The following ATM variants were observed in gnomAD, a reference collection of about 807,000 sequenced individuals.
The protein encoded by ATM is serine-protein kinase ATM.
In ATM, 308 loss-of-function variants were observed where a neutral mutation model predicts 387.0. The ratio of observed to expected loss-of-function variants is 0.80; its 90% confidence interval spans 0.73 to 0.87. The LOEUF is 0.87. Among genes scored for constraint, ATM ranks in the 40% least tolerant of loss-of-function variants. ATM has a pLI of 0.00. For synonymous variants in ATM, 1,156 were observed against 1,187.3 expected, an observed-to-expected ratio of 0.97 and a Z score of 0.54; for missense variants, 3,312 against 3,560.9, an observed-to-expected ratio of 0.93 and a Z score of 1.78.
At chr11:108,296,274 G>A (rs188420738) in intron 32 of ATM, among the ~76,000 whole-genome samples, 2 of 147,722 alleles carry the variant, frequency 1.4e-5, no homozygotes, top group Non-Finnish European at 3.0e-5. Context: ...TTTTTGAAAC[G>A]AAGTCTCACT....
At chr11:108,309,204 C>A in intron 38 of ATM, 1 of 534,458 alleles carries the variant, frequency 1.9e-6, no homozygotes, top group Non-Finnish European at 3.3e-6. Flanking sequence ...AATAAAACAA[C>A]AACAACAAAA....
intron 7 of ATM, among the ~76,000 whole-genome samples, chr11:108,245,910 C>T (rs1239714587): frequency 3.3e-5 from 5 of 151,194 alleles, no homozygotes; most frequent in East Asian, 2.0e-4. Context: ...CTGCAACCTC[C>T]GCCTCCTGGG....
chr11:108,285,180 T>G (rs1160098571), intron 26 of ATM, among the ~76,000 whole-genome samples: 2 of 151,980 alleles, frequency 1.3e-5, no homozygotes, highest in Non-Finnish European at 1.5e-5. Flanking sequence ...GGCTGGTCTT[T>G]AACTCTTGAC....
chr11:108,299,811 G>A lies in ATM; in HGVS notation c.5103G>A (p.Lys1701=), dbSNP rs1483752617. The A allele has an allele frequency of 6.2e-7, 1 of 1,613,826 alleles. No homozygotes were observed. The highest frequency in any genetic ancestry group is 1.3e-5 in the African/African-American group (1 of 74,882). Reference sequence around the variant, plus strand: ...ATGCATCTTATACCAAGGCCCTTAAGTTATTTGAAGATAAAGAACTTCAGT... The same window carrying A: ...ATGCATCTTATACCAAGGCCCTTAAATTATTTGAAGATAAAGAACTTCAGT... ...SKDASYTKAL[K]LFEDKELQWT... is the part of the protein sequence containing the mutation. Residue 1701 remains lysine (K), a synonymous_variant, in exon 34 of 63, where the codon AAG becomes AAA. Transcript: ENST00000675843.
At chr11:108,257,271 A>C (rs536715439) in intron 14 of ATM, among the ~76,000 whole-genome samples, 1 of 152,356 alleles carries the variant, frequency 6.6e-6, no homozygotes, top group South Asian at 2.1e-4. Context: ...TTGCAAGAAC[A>C]GAGTATAAGA....
rs1057520672 is a variant in ATM, at chr11:108,347,335, C to T, written c.8641C>T (p.Gln2881Ter). ...RHVQNILINE[Q>*]SAELVHIDLG... is the part of the protein sequence containing the mutation. ...TGTACAGAATATCTTGATAAATGAG[C>T]AGTCAGCAGAACTTGTACATATAGA... Residue 2881 changes from glutamine (Q) to a stop codon, truncating the protein, a stop_gained, in exon 59 of 63, where the codon CAG becomes TAG. Transcript: ENST00000675843. LOFTEE classifies it high-confidence loss of function. The T allele has an allele frequency of 6.2e-7, 1 of 1,610,186 alleles. No individual in the cohort carries two copies. Among genetic ancestry groups the T allele is most frequent in the Non-Finnish European group, 8.5e-7 (1 of 1,176,698 alleles).
intron 1 of ATM, chr11:108,227,219 T>C (rs1344624400): frequency 5.9e-6 from 1 of 170,128 alleles, no homozygotes; most frequent in Non-Finnish European, 1.3e-5. Context: ...TTCACCATGT[T>C]GGTCAGGCTG....
rs1426961483 is a variant in ATM, at chr11:108,330,310, A to G, written c.7404A>G (p.Glu2468=). ...DRKRFLCKAV[E]NYINCLLSGE... ...AACGCTTCTTATGTAAAGCAGTTGA[A>G]AATTATATCAACTGCTTATTAAGTG... Residue 2468 remains glutamate, a synonymous_variant, in exon 50 of 63, where the codon GAA becomes GAG. Coordinates refer to ENST00000675843, the MANE Select transcript of ATM (RefSeq NM_000051.4). 1 of 1,613,980 alleles carries G rather than the reference A, an allele frequency of 6.2e-7. No homozygotes were observed. The highest frequency in any genetic ancestry group is 8.5e-7 in the Non-Finnish European group (1 of 1,179,966).
intron 61 of ATM, 50 bp from the exon 62 acceptor site, chr11:108,365,032 G>A (rs2091186677): frequency 1.3e-6 from 2 of 1,594,976 alleles, no homozygotes; most frequent in East Asian, 4.5e-5. Flanking sequence ...TTCTAAGTAT[G>A]TGATTAAAAT....
chr11:108,358,003 C>T (rs1298375430), intron 61 of ATM, among the ~76,000 whole-genome samples: 13 of 146,130 alleles, frequency 8.9e-5, no homozygotes, highest in Admixed American at 2.1e-4. Flanking sequence ...CTCTGAGCTA[C>T]GGGAGGACAT....
chr11:108,330,356 G>A lies in ATM; in HGVS notation c.7450G>A (p.Val2484Ile), dbSNP rs587779864. The A allele has an allele frequency of 5.6e-6, 9 of 1,614,164 alleles. No homozygotes were observed. The highest frequency in any genetic ancestry group is 7.6e-6 in the Non-Finnish European group (9 of 1,180,016). ...AAGTGGAGAAGAACATGATATGTGG[G>A]TATTCCGACTTTGTTCCCTCTGGCT... ...LLSGEEHDMW[V>I]FRLCSLWLEN... The change falls in exon 50 of 63, where the codon GTA (valine) becomes ATA (isoleucine). Residue 2484 changes from valine to isoleucine, a missense_variant. Val to Ile is a conservative substitution (Grantham distance 29, BLOSUM62 3). Around this residue, in one of 4 missense-constraint regions of ATM, gnomAD observed 1,405 missense variants for 1,604.4 expected, o/e 0.88. Transcript: ENST00000675843.
rs762171014 is a variant in ATM, at chr11:108,235,852, T to C, written c.496+18T>C. The C allele has an allele frequency of 6.2e-6, 10 of 1,613,436 alleles. No individual in the cohort carries two copies. The highest frequency in any genetic ancestry group is 8.5e-6 in the Non-Finnish European group (10 of 1,179,664). ...GTGGTTAGGTATGTTTTGAAGGTTG[T>C]TGTTTGTGAATTTTTCCTCATGAAA... On this transcript the variant is annotated intron_variant, in intron 5 of 62. Coordinates refer to ENST00000675843, the MANE Select transcript of ATM (RefSeq NM_000051.4).
chr11:108,303,521 A>G (rs763886145), intron 36 of ATM, among the ~76,000 whole-genome samples: 2 of 152,166 alleles, frequency 1.3e-5, no homozygotes, highest in African/African-American at 4.8e-5. Context: ...ACAGCATACT[A>G]TGATGCTCTA....
At position 108,332,765 on chromosome 11, in the gene ATM, CGAA is replaced by C. The variant is rs2086404074; in HGVS notation, c.7793_7795del (p.Arg2598_Thr2599delinsPro). ...GTTTTTTGTTTTTTATTAATAGGAT[CGAA>C]CAGAGGCTGCAAATAGAATAATATG... is the stretch of plus-strand genomic sequence containing the variant. On this transcript the variant is annotated inframe_deletion, in exon 53 of 63. Transcript: ENST00000675843. 1 of 1,612,056 alleles carries C rather than the reference CGAA, an allele frequency of 6.2e-7. No homozygotes were observed. The highest frequency in any genetic ancestry group is 1.3e-5 in the African/African-American group (1 of 74,820).
At chr11:108,272,970 CG>C (rs2081682731) in intron 22 of ATM, 118 bp downstream of exon 22, 10 of 1,260,788 alleles carry the variant, frequency 7.9e-6, no homozygotes, top group Middle Eastern at 1.8e-4. Flanking sequence ...TGAGTATATA[CG>C]GTGTGCCTGG....
chr11:108,256,500 A>T (rs1565395495), intron 14 of ATM, among the ~76,000 whole-genome samples, 160 bp downstream of exon 14: 1 of 151,984 alleles, frequency 6.6e-6, no homozygotes, highest in Non-Finnish European at 1.5e-5. Context: ...GTATTTTTTA[A>T]ATTGTTTTAA....
At chr11:108,345,596 CCTGTCCAGA>C (rs1237437728) in intron 57 of ATM, 138 bp from the exon 58 acceptor site, 6 of 653,380 alleles carry the variant, frequency 9.2e-6, no homozygotes, top group Non-Finnish European at 1.5e-5. Context: ...TAATTGCTTC[CCTGTCCAGA>C]CTGTTAGCTT....
chr11:108,294,021 A>G (rs1403206709), intron 31 of ATM, among the ~76,000 whole-genome samples: 1 of 151,406 alleles, frequency 6.6e-6, no homozygotes, highest in Non-Finnish European at 1.5e-5. Flanking sequence ...CATTGAAGCC[A>G]AAGTATAAAT....
chr11:108,365,065 A>G lies in ATM; in HGVS notation c.8851-17A>G, dbSNP rs2091194046. 1.2e-6 allele frequency: 2 copies of G among 1,613,006 alleles called. No individual in the cohort carries two copies. Among genetic ancestry groups the G allele is most frequent in the Non-Finnish European group, 8.5e-7 (1 of 1,179,090 alleles). On this transcript the variant is annotated splice_polypyrimidine_tract_variant and intron_variant, in intron 61 of 62. Coordinates refer to ENST00000675843, the MANE Select transcript of ATM (RefSeq NM_000051.4). ...AATGTACATTGTTCTTTTAATACATATGTTCTCTCTGTTTAGGTCCTTCTA... is the reference window on the plus strand; with the variant it reads ...AATGTACATTGTTCTTTTAATACATGTGTTCTCTCTGTTTAGGTCCTTCTA...
Sources: allele counts gnomAD v4.1 joint callset (sites outside exome capture counted in the v4.1 genomes callset), GRCh38; gene constraint gnomAD v4.1.1; regional missense constraint gnomAD v4.1.1; transcripts MANE v1.5; gene names NCBI Gene and HGNC (gene_info 2026-07-23, HGNC 2026-07-21).